The following ROBO2 variants were observed in gnomAD, a reference collection of about 807,000 sequenced individuals.
The protein encoded by ROBO2 is roundabout guidance receptor 2.
In ROBO2, 53 loss-of-function variants were observed where a neutral mutation model predicts 160.8. That is an observed-to-expected ratio of 0.33 (90% CI 0.26 to 0.41). ROBO2 has a LOEUF of 0.41. ROBO2 is among the 10% of genes least tolerant of loss of function. The probability of loss-of-function intolerance (pLI) is 1.00; values close to 1 mark genes in which losing one functional copy is unlikely to be tolerated. For missense variants in ROBO2, 1,577 were observed against 1,722.4 expected (o/e 0.92, Z 1.49); for synonymous variants, 664 against 611.7 (o/e 1.09, Z -1.26).
At chr3:77,289,971 T>G (rs1326432260) in intron 2 of ROBO2, among the ~76,000 whole-genome samples, 1 of 151,420 alleles carries the variant, frequency 6.6e-6, no homozygotes, top group Non-Finnish European at 1.5e-5. Context: ...AGACATTAAG[T>G]AAAATTGATG....
intron 20 of ROBO2, 147 bp downstream of exon 21, chr3:77,602,638 G>T (rs1289332491): frequency 1.1e-5 from 11 of 960,602 alleles, no homozygotes; most frequent in Non-Finnish European, 1.7e-5. Context: ...CCAGTAACTT[G>T]AGTAATTCCT....
At chr3:76,044,354 A>ATGC (rs1328651819) in intron 2 of ROBO2, among the ~76,000 whole-genome samples, 2 of 152,014 alleles carry the variant, frequency 1.3e-5, no homozygotes, top group African/African-American at 4.8e-5. Context: ...AAGAGAAGCA[A>ATGC]TGTTGAATAA....
At chr3:76,122,073 A>C (rs1042534576) in intron 2 of ROBO2, among the ~76,000 whole-genome samples, 1 of 152,236 alleles carries the variant, frequency 6.6e-6, no homozygotes, top group African/African-American at 2.4e-5. Context: ...AAAACACTGC[A>C]TGCTCTACTG....
At chr3:77,376,240 C>T (rs941342285) in intron 2 of ROBO2, among the ~76,000 whole-genome samples, 11 of 148,532 alleles carry the variant, frequency 7.4e-5, no homozygotes, top group South Asian at 4.3e-4. Flanking sequence ...CTGCAACCTC[C>T]GCCTCCCAGG....
At chr3:77,324,629 A>T (rs2065168541) in intron 2 of ROBO2, among the ~76,000 whole-genome samples, 1 of 146,574 alleles carries the variant, frequency 6.8e-6, no homozygotes, top group Non-Finnish European at 1.5e-5. Flanking sequence ...AATACAAAAA[A>T]ATTAGCCGGG....
At chr3:76,841,824 C>T (rs1410727530) in intron 2 of ROBO2, among the ~76,000 whole-genome samples, 4 of 152,132 alleles carry the variant, frequency 2.6e-5, no homozygotes, top group Non-Finnish European at 5.9e-5. Context: ...CTATTCAGTG[C>T]AAATTTGTGG....
intron 2 of ROBO2, among the ~76,000 whole-genome samples, chr3:77,102,567 T>G (rs868530031): frequency 6.6e-6 from 1 of 152,190 alleles, no homozygotes. Context: ...ATATGGAATT[T>G]TTTTTACTAT....
intron 2 of ROBO2, among the ~76,000 whole-genome samples, chr3:77,219,056 C>T (rs1174932530): frequency 6.6e-6 from 1 of 152,150 alleles, no homozygotes; most frequent in East Asian, 1.9e-4. Flanking sequence ...GCAACCTTTG[C>T]CTTCTGGGTT....
At chr3:76,448,959 G>A (rs1229661861) in intron 2 of ROBO2, among the ~76,000 whole-genome samples, 3 of 149,416 alleles carry the variant, frequency 2.0e-5, no homozygotes, top group Admixed American at 6.8e-5. Context: ...GAGACACTAC[G>A]TTCCATACAA....
intron 4 of ROBO2, among the ~76,000 whole-genome samples, chr3:77,488,593 G>T (rs1230982780): frequency 6.6e-6 from 1 of 152,146 alleles, no homozygotes; most frequent in African/African-American, 2.4e-5. Flanking sequence ...TAGATATTGA[G>T]TGTGATCACT....
chr3:77,392,487 C>T (rs2153502137), intron 2 of ROBO2, among the ~76,000 whole-genome samples: 1 of 152,302 alleles, frequency 6.6e-6, no homozygotes, highest in South Asian at 2.1e-4. Flanking sequence ...ACTCTCGTTT[C>T]CATCTCTTAC....
intron 2 of ROBO2, among the ~76,000 whole-genome samples, chr3:76,078,472 C>T (rs1483371862): frequency 6.6e-6 from 1 of 152,068 alleles, no homozygotes; most frequent in Non-Finnish European, 1.5e-5. Context: ...CTCAAGCAAT[C>T]CTCCTGCCTC....
At chr3:77,136,073 A>G (rs557682657) in intron 2 of ROBO2, among the ~76,000 whole-genome samples, 31 of 152,274 alleles carry the variant, frequency 2.0e-4, no homozygotes, top group African/African-American at 7.5e-4. Context: ...ATTTTTTACC[A>G]GCTTTTGCCT....
chr3:76,971,551 TA>T (rs11329448), intron 2 of ROBO2, among the ~76,000 whole-genome samples: 37,076 of 149,582 alleles, frequency 0.25, 4,664 homozygotes, highest in South Asian at 0.4. Context: ...ACTGTTTCTC[TA>T]AAAAAAAAAT....
Position 77,550,998 on chromosome 3 carries a change from T to C in ROBO2, c.1231+9T>C, listed in dbSNP as rs1408489274. On this transcript the variant is annotated intron_variant, in intron 8 of 25. Coordinates refer to ENST00000461745, the Ensembl canonical transcript of ROBO2. ...ACTGGAGGTTACTGATGGTGCGATA[T>C]CTTTACTAGATTTGTCTTATGAAAA... The C allele has an allele frequency of 6.2e-7, 1 of 1,612,322 alleles. No individual in the cohort carries two copies. The highest frequency in any genetic ancestry group is 1.1e-5 in the South Asian group (1 of 91,064).
intron 2 of ROBO2, among the ~76,000 whole-genome samples, chr3:77,277,230 G>GTCTT (rs55905700): frequency 0.012 from 1,199 of 96,844 alleles, 15 homozygotes; most frequent in African/African-American, 0.031. Flanking sequence ...TTTCTTTCTT[G>GTCTT]TCTTTCTTTC....
intron 2 of ROBO2, among the ~76,000 whole-genome samples, chr3:76,687,819 A>G (rs1403784458): frequency 6.6e-6 from 1 of 152,112 alleles, no homozygotes; most frequent in Non-Finnish European, 1.5e-5. Flanking sequence ...AATACCAGAT[A>G]AATGAAGTGT....
chr3:77,577,458 G>C (rs776429101), intron 14 of ROBO2, 32 bp from the exon 16 acceptor site: 3 of 1,612,916 alleles, frequency 1.9e-6, no homozygotes, highest in Non-Finnish European at 2.5e-6. Flanking sequence ...AAGGCTTATA[G>C]TTTGCATTTA....
chr3:76,318,432 C>T (rs2072229866), intron 2 of ROBO2, among the ~76,000 whole-genome samples: 1 of 152,074 alleles, frequency 6.6e-6, no homozygotes, highest in East Asian at 1.9e-4. Flanking sequence ...CCCACCCTCT[C>T]CTCCCGTTTC....
Sources: allele counts gnomAD v4.1 joint callset (sites outside exome capture counted in the v4.1 genomes callset), GRCh38; gene constraint gnomAD v4.1.1; transcripts MANE v1.5; gene names NCBI Gene and HGNC (gene_info 2026-07-23, HGNC 2026-07-21).